Variants in CNOT8 observed in about 807,000 individuals in gnomAD.
The protein encoded by CNOT8 is CAF1-like protein.
Under a neutral mutation model 34.6 loss-of-function variants are expected in CNOT8, and 18 were observed. The observed-to-expected ratio is 0.52, with a 90% CI of 0.36 to 0.77. The LOEUF is 0.77. CNOT8 is among the 30% of genes least tolerant of loss of function. CNOT8 has a pLI of 0.00. For synonymous variants in CNOT8, 101 were observed against 118.8 expected (o/e 0.85, Z 0.98); for missense variants, 189 against 347.9 (o/e 0.54, Z 3.63).
At position 154,872,527 on chromosome 5, in the gene CNOT8, C is replaced by T; in HGVS notation, c.619-14C>T. Reference sequence around the variant, plus strand: ...GGGTTTGTAATATTATCTTTGTTCTCCATACATCTCCAGGGAGGTCTTCAG... The same window carrying T: ...GGGTTTGTAATATTATCTTTGTTCTTCATACATCTCCAGGGAGGTCTTCAG... On this transcript the variant is annotated splice_polypyrimidine_tract_variant and intron_variant, in intron 5 of 6. Transcript: ENST00000285896. 1 of 1,562,548 alleles carries T rather than the reference C, an allele frequency of 6.4e-7. No homozygotes were observed. Among genetic ancestry groups the T allele is most frequent in the African/African-American group, 1.4e-5 (1 of 73,770 alleles).
rs1423614887 is a variant in CNOT8 at position 154,875,645 on chromosome 5, TAA to T, written c.*207_*208del. On this transcript the variant is annotated 3_prime_UTR_variant, in exon 7 of 7. Transcript: ENST00000285896. ...GAGGAGTTTGCTCTGAATTTGTAAA[TAA>T]GTCTTCCCCATTCCTCATACTCGAG... The T allele has an allele frequency of 7.2e-6, 4 of 552,910 alleles. No individual in the cohort carries two copies. Among genetic ancestry groups the T allele is most frequent in the Non-Finnish European group, 1.2e-5 (4 of 325,412 alleles). 34.3% of individuals were successfully genotyped at this position (552,910 alleles called of 1,614,324 possible).
At chr5:154,874,015 C>T (rs1260309005) in intron 6 of CNOT8, among the ~76,000 whole-genome samples, 4 of 152,160 alleles carry the variant, frequency 2.6e-5, no homozygotes, top group African/African-American at 9.7e-5. Flanking sequence ...TTCGTTATCT[C>T]ATTCCTCATA....
At chr5:154,872,759 T>A (rs1218393763) in intron 6 of CNOT8, 108 bp downstream of exon 6, 4 of 433,708 alleles carry the variant, frequency 9.2e-6, no homozygotes, top group East Asian at 7.3e-5. Context: ...AACATTTATT[T>A]TTTATTTATT....
chr5:154,871,629 T>A, intron 4 of CNOT8, 101 bp from the exon 5 acceptor site: 3 of 898,354 alleles, frequency 3.3e-6, no homozygotes, highest in East Asian at 3.0e-5. Context: ...TGAAAGTTCC[T>A]AACATGAAGT....
Position 154,870,733 on chromosome 5 carries a change from G to C in CNOT8, c.384G>C (p.Glu128Asp), listed in dbSNP as rs533634377. Residue 128 changes from glutamate to aspartate, a missense_variant, in exon 4 of 7, where the codon GAG becomes GAC. By Grantham distance (45) the Glu-to-Asp change is conservative. This residue lies in a region of CNOT8 where 160 missense variants were observed against 321.9 expected (regional missense o/e 0.50). Transcript: ENST00000285896. ...GACTACAGTTTCAGAAGCATGAAGA[G>C]GAAGGGATTGACACACTGCACTTTG... ...NSGLQFQKHE[E>D]EGIDTLHFAE... 3.7e-6 allele frequency: 6 copies of C among 1,614,044 alleles called. 1 individual carries two copies. In the East Asian group the frequency reaches 1.3e-4, roughly 36 times the overall value.
intron 4 of CNOT8, 117 bp downstream of exon 4, chr5:154,870,939 A>G (rs1762430414): frequency 1.2e-6 from 1 of 851,322 alleles, no homozygotes; most frequent in Non-Finnish European, 1.8e-6. Flanking sequence ...CAGCAGCCAG[A>G]AGTTGAATTG....
intron 1 of CNOT8, among the ~76,000 whole-genome samples, chr5:154,861,662 C>T (rs1761351021): frequency 6.6e-6 from 1 of 152,218 alleles, no homozygotes; most frequent in Non-Finnish European, 1.5e-5. Flanking sequence ...AGTGGGCTTG[C>T]CTTAGAAGTA....
chr5:154,865,154 T>A, intron 2 of CNOT8, 38 bp from the exon 3 acceptor site: 2 of 1,462,188 alleles, frequency 1.4e-6, no homozygotes, highest in Non-Finnish European at 1.8e-6. Flanking sequence ...TCCACTGTTT[T>A]GTGAAACCTT....
At chr5:154,871,914 G>A (rs1360127981) in intron 5 of CNOT8, 40 bp downstream of exon 5, 1 of 1,574,610 alleles carries the variant, frequency 6.4e-7, no homozygotes, top group South Asian at 1.1e-5. Flanking sequence ...CAAAAAGAAG[G>A]ACAGAAAAAA....
At chr5:154,863,055 A>C (rs1561677855) in intron 1 of CNOT8, among the ~76,000 whole-genome samples, 152 bp from the exon 2 acceptor site, 1 of 152,198 alleles carries the variant, frequency 6.6e-6, no homozygotes, top group South Asian at 2.1e-4. Flanking sequence ...GTGTGTTGAC[A>C]AAGTTTCTCC....
At position 154,868,263 on chromosome 5, in the gene CNOT8, C is replaced by CTT. The variant is rs200482243; in HGVS notation, c.312-2395_312-2394dup. 3.4e-3 allele frequency among the ~76,000 whole-genome samples: 427 copies of CTT among 127,042 alleles called. 9 individuals carry two copies. The highest frequency in any genetic ancestry group is 0.01 in the African/African-American group (322 of 31,752). The allele number at this position is 127,042 out of a possible 152,430, so 83.3% of individuals were successfully genotyped here. ...ATTTACTGCCTTTTCTTTTTCTTTT[C>CTT]TTTTCTTTTTTTTTTTTTTTTTTGA... On this transcript the variant is annotated intron_variant, in intron 3 of 6. Coordinates refer to ENST00000285896, the MANE Select transcript of CNOT8 (RefSeq NM_001301073.2).
At chr5:154,863,416 T>A in intron 2 of CNOT8, 21 bp downstream of exon 2, 1 of 1,538,946 alleles carries the variant, frequency 6.5e-7, no homozygotes, top group Non-Finnish European at 9.0e-7. Context: ...CTACTCTGAC[T>A]CACCTTCTTT....
intron 3 of CNOT8, among the ~76,000 whole-genome samples, chr5:154,870,256 TTTG>T (rs1762361891): frequency 9.3e-6 from 1 of 107,104 alleles, no homozygotes. Flanking sequence ...TTTTGTTTGT[TTTG>T]TTTTTTTTGA....
chr5:154,870,577 A>G (rs1762397889), intron 3 of CNOT8, 84 bp from the exon 4 acceptor site: 2 of 1,021,942 alleles, frequency 2.0e-6, no homozygotes, highest in South Asian at 1.6e-5. Flanking sequence ...TACTTGTACT[A>G]TAATTATAAG....
intron 6 of CNOT8, among the ~76,000 whole-genome samples, chr5:154,873,068 C>A (rs1437925975): frequency 6.6e-6 from 1 of 152,104 alleles, no homozygotes; most frequent in East Asian, 1.9e-4. Flanking sequence ...TCTGCCTGGC[C>A]GAATTTTTTG....
chr5:154,869,787 G>A lies in CNOT8; in HGVS notation c.312-874G>A, dbSNP rs1762290758. Among the ~76,000 whole-genome samples the A allele has an allele frequency of 2.0e-5, 3 of 152,210 alleles. No individual in the cohort carries two copies. The South Asian group carries it at 6.2e-4, about 32-fold the overall frequency. ...TTACAGGCGTGCGCCACCACGCCCA[G>A]CTAATTTTTGTGTTTTTAGTAGAGA... On this transcript the variant is annotated intron_variant, in intron 3 of 6. Transcript: ENST00000285896.
At chr5:154,874,919 G>T (rs1037351106) in intron 6 of CNOT8, among the ~76,000 whole-genome samples, 6 of 151,342 alleles carry the variant, frequency 4.0e-5, no homozygotes, top group African/African-American at 4.9e-5. Context: ...TGTGGTAGTG[G>T]TTTTTTTCTT....
intron 2 of CNOT8, 64 bp downstream of exon 2, chr5:154,863,459 C>A: frequency 8.1e-7 from 1 of 1,230,474 alleles, no homozygotes; most frequent in Non-Finnish European, 1.2e-6. Flanking sequence ...TGCTCTGTTG[C>A]CCAGGCTGGA....
At chr5:154,863,758 T>C (rs1761584975) in intron 2 of CNOT8, among the ~76,000 whole-genome samples, 1 of 152,230 alleles carries the variant, frequency 6.6e-6, no homozygotes, top group Non-Finnish European at 1.5e-5. Context: ...ATGTAACCTC[T>C]AGTATCTTAG....
Sources: allele counts gnomAD v4.1 joint callset (sites outside exome capture counted in the v4.1 genomes callset), GRCh38; gene constraint gnomAD v4.1.1; regional missense constraint gnomAD v4.1.1; transcripts MANE v1.5; gene names NCBI Gene and HGNC (gene_info 2026-07-23, HGNC 2026-07-21).